Variants in NFATC2 observed in about 807,000 individuals in gnomAD.
The protein encoded by NFATC2 is nuclear factor of activated T-cells, cytoplasmic 2.
A neutral mutation model predicts 87.3 loss-of-function variants in NFATC2; 22 were observed. That is an observed-to-expected ratio of 0.25 (90% CI 0.18 to 0.36). The LOEUF is 0.36. Ranked by LOEUF, NFATC2 falls within the 10% of genes least tolerant of loss-of-function variation. The pLI, the probability that NFATC2 is intolerant of heterozygous loss-of-function variation, is 1.00. For missense variants in NFATC2, 1,149 were observed against 1,259.1 expected, an observed-to-expected ratio of 0.91 and a Z score of 1.32; for synonymous variants, 565 against 542.2, an observed-to-expected ratio of 1.04 and a Z score of -0.58.
intron 9 of NFATC2, chr20:51,399,360 ACACCTGTCTTCCCAAT>A (rs1987732434): frequency 6.6e-6 from 1 of 152,206 alleles, no homozygotes; most frequent in Non-Finnish European, 1.5e-5. Context: ...GGCTTTCAAA[ACACCTGTCTTCCCAAT>A]CCCCTTTGGC....
Position 51,523,323 on chromosome 20 carries a change from G to A in NFATC2, c.918C>T (p.Ala306=). 3.1e-6 allele frequency: 5 copies of A among 1,613,338 alleles called. No individual in the cohort carries two copies. In the Middle Eastern group the frequency reaches 5.0e-4, roughly 161 times the overall value. ...GCGAGTCCGTGGCGAGGCTGTTCAG[G>A]GCATCCATGATCACGGCAGAGCCAG... The part of the protein sequence containing the change: ...PVAGSAVIMD[A]LNSLATDSPC... The change falls in exon 2 of 11, where the codon GCC becomes GCT. Residue 306 remains alanine, a synonymous_variant. Transcript: ENST00000371564. The surrounding 1 kb of genome is among the most constrained non-coding windows in gnomAD (Gnocchi z 6.9).
At chr20:51,402,696 G>A (rs1296492571) in intron 9 of NFATC2, among the ~76,000 whole-genome samples, 2 of 152,204 alleles carry the variant, frequency 1.3e-5, no homozygotes, top group African/African-American at 4.8e-5. Context: ...ATGCCTCTTT[G>A]CTTATCCAAG....
chr20:51,552,599 T>C (rs1350567925), intron 1 of NFATC2, among the ~76,000 whole-genome samples: 1 of 152,092 alleles, frequency 6.6e-6, no homozygotes, highest in East Asian at 1.9e-4. Context: ...ACCCTCCCAC[T>C]GGGCAGGCAC....
intron 10 of NFATC2, among the ~76,000 whole-genome samples, chr20:51,395,846 T>C (rs1422168255): frequency 6.6e-6 from 1 of 151,758 alleles, no homozygotes; most frequent in African/African-American, 2.4e-5. Context: ...GTCAACAAAC[T>C]TCTCCTGGAA....
At chr20:51,436,715 A>AAAAC (rs146601129) in intron 6 of NFATC2, among the ~76,000 whole-genome samples, 69 of 121,284 alleles carry the variant, frequency 5.7e-4, no homozygotes, top group African/African-American at 2.0e-3. Context: ...ACTTTGTCTC[A>AAAAC]AAACAAACAA....
At chr20:51,483,872 G>A (rs1016119988) in intron 3 of NFATC2, among the ~76,000 whole-genome samples, 111 of 151,944 alleles carry the variant, frequency 7.3e-4, no homozygotes, top group African/African-American at 1.2e-3. Flanking sequence ...CAAAGAGGGG[G>A]CCCAGTCTCC....
Position 51,432,562 on chromosome 20 carries a change from G to T in NFATC2, c.2227C>A (p.Gln743Lys). The T allele has an allele frequency of 6.5e-7, 1 of 1,537,940 alleles. No individual in the cohort carries two copies. Residue 743 changes from glutamine (Q) to lysine (K), a missense_variant, in exon 9 of 11, where the codon CAG (glutamine) becomes AAG (lysine). Coordinates refer to ENST00000371564, the MANE Select transcript of NFATC2 (RefSeq NM_012340.5). The surrounding 1 kb of genome is among the most constrained non-coding windows in gnomAD (Gnocchi z 4.6). ...AGTACGGCCGCTGGGTTCTGTTGCT[G>T]GTAGCGGGCGTCAGGGGATGAGAGC... ...TGLSSPDARY[Q>K]QQNPAAVLYQ... is the part of the protein sequence containing the mutation.
chr20:51,541,155 C>G (rs56344667), intron 1 of NFATC2, among the ~76,000 whole-genome samples: 2 of 152,086 alleles, frequency 1.3e-5, no homozygotes, highest in Non-Finnish European at 2.9e-5. Context: ...GAAGCGAAAA[C>G]TTCATTATCT....
At chr20:51,556,079 A>G (rs2076975770) in intron 1 of NFATC2, among the ~76,000 whole-genome samples, 1 of 152,198 alleles carries the variant, frequency 6.6e-6, no homozygotes, top group African/African-American at 2.4e-5. Context: ...CTCGGGAAGA[A>G]GGTCACATGA....
intron 10 of NFATC2, among the ~76,000 whole-genome samples, chr20:51,392,843 A>G (rs986738683): frequency 2.6e-5 from 4 of 152,236 alleles, no homozygotes; most frequent in African/African-American, 9.6e-5. Flanking sequence ...ACCCCTGCCC[A>G]GATGGTTTGC....
intron 3 of NFATC2, among the ~76,000 whole-genome samples, chr20:51,485,279 TA>T (rs1293046846): frequency 6.6e-6 from 1 of 152,126 alleles, no homozygotes; most frequent in Admixed American, 6.5e-5. Flanking sequence ...GGTCTTTAAA[TA>T]AAAAACCTGG....
intron 9 of NFATC2, among the ~76,000 whole-genome samples, chr20:51,412,243 C>T (rs1353761263): frequency 6.6e-6 from 1 of 152,148 alleles, no homozygotes; most frequent in Non-Finnish European, 1.5e-5. Context: ...TGTGAGCCCC[C>T]ATGACTGGCA....
chr20:51,465,045 A>G (rs1229034262), intron 5 of NFATC2, among the ~76,000 whole-genome samples: 1 of 152,174 alleles, frequency 6.6e-6, no homozygotes, highest in African/African-American at 2.4e-5. Flanking sequence ...GCCTTCAAGT[A>G]TTGATTAGCA....
chr20:51,507,889 T>A lies in NFATC2; in HGVS notation c.1332+8895A>T, dbSNP rs544654235. ...TAGTAATCCTACCACCTACACTCTATGGCATCGCTGCAAAGACTAACTAGG... is the reference window on the plus strand; with the variant it reads ...TAGTAATCCTACCACCTACACTCTAAGGCATCGCTGCAAAGACTAACTAGG... On this transcript the variant is annotated intron_variant, in intron 3 of 10. Coordinates refer to ENST00000371564, the MANE Select transcript of NFATC2 (RefSeq NM_012340.5). Among the ~76,000 whole-genome samples the A allele has an allele frequency of 1.5e-4, 23 of 152,338 alleles. No individual in the cohort carries two copies. In the South Asian group the frequency reaches 4.8e-3, roughly 32 times the overall value.
chr20:51,411,178 A>G (rs1004836533), intron 9 of NFATC2, among the ~76,000 whole-genome samples: 3 of 152,208 alleles, frequency 2.0e-5, no homozygotes, highest in African/African-American at 7.2e-5. Context: ...AGTGAGGCAA[A>G]GGGCCTCGAT....
intron 3 of NFATC2, among the ~76,000 whole-genome samples, chr20:51,488,192 G>A (rs1483552910): frequency 6.6e-6 from 1 of 152,198 alleles, no homozygotes; most frequent in African/African-American, 2.4e-5. Flanking sequence ...TCTCAGGAAA[G>A]AAGATTAAGC....
chr20:51,401,774 G>A (rs4811172), intron 9 of NFATC2, among the ~76,000 whole-genome samples: 139,262 of 152,234 alleles, frequency 0.91, 63,747 homozygotes, highest in East Asian at 0.95. Context: ...TATGGACTAG[G>A]TGATAATTTA....
At chr20:51,470,170 C>T (rs1339656035) in intron 5 of NFATC2, among the ~76,000 whole-genome samples, 4 of 152,038 alleles carry the variant, frequency 2.6e-5, no homozygotes, top group Admixed American at 6.6e-5. Context: ...CCTCTGACCT[C>T]TTCCATACTC....
intron 9 of NFATC2, among the ~76,000 whole-genome samples, chr20:51,421,084 A>C (rs1436727218): frequency 5.3e-5 from 8 of 152,016 alleles, no homozygotes; most frequent in Admixed American, 1.3e-4. Flanking sequence ...AAAAAAAAAA[A>C]AAAACAAAAA....
Sources: allele counts gnomAD v4.1 joint callset (sites outside exome capture counted in the v4.1 genomes callset), GRCh38; gene constraint gnomAD v4.1.1; non-coding constraint Gnocchi (gnomAD v3.1); transcripts MANE v1.5; gene names NCBI Gene and HGNC (gene_info 2026-07-23, HGNC 2026-07-21).